Variants in YPEL3 observed in about 807,000 individuals in gnomAD.
The protein encoded by YPEL3 is protein yippee-like 3.
YPEL3 carries 5 observed loss-of-function variants against 17.5 expected under a neutral mutation model. The ratio of observed to expected loss-of-function variants is 0.29; its 90% CI spans 0.15 to 0.60. The LOEUF is 0.60. Ranked by LOEUF, YPEL3 falls within the 20% of genes least tolerant of loss-of-function variation. The probability of loss-of-function intolerance (pLI) is 0.87; values close to 1 mark genes in which losing one functional copy is unlikely to be tolerated. For synonymous variants in YPEL3, 87 were observed against 87.2 expected (o/e 1.00, Z 0.01); for missense variants, 155 against 211.4 (o/e 0.73, Z 1.65).
At chr16:30,094,686 T>C (rs1472076916) in intron 3 of YPEL3, 103 bp downstream of exon 3, 5 of 1,085,524 alleles carry the variant, frequency 4.6e-6, no homozygotes, top group African/African-American at 1.5e-5. Flanking sequence ...TTGTGTGAGC[T>C]CGGCCTATGC....
chr16:30,094,396 T>C (rs1274727323), intron 3 of YPEL3: 1 of 208,632 alleles, frequency 4.8e-6, no homozygotes, highest in African/African-American at 2.4e-5. Flanking sequence ...AGTTGGGTGA[T>C]CTTGGGCAAG....
Position 30,095,678 on chromosome 16 carries a change from C to G in YPEL3, c.-196G>C. Reference sequence around the variant, plus strand: ...GTCACCCGCCTGCTTCCGGCCTCACCCTTGCTGACCTGGCAGCTGAAGCTG... The same window carrying G: ...GTCACCCGCCTGCTTCCGGCCTCACGCTTGCTGACCTGGCAGCTGAAGCTG... On this transcript the variant is annotated 5_prime_UTR_variant, in exon 1 of 4. Coordinates refer to ENST00000398841, the MANE Select transcript of YPEL3 (RefSeq NM_031477.5). This position sits in a 1 kb window ranked among gnomAD's most constrained non-coding sequence, Gnocchi z 5.4. 1.9e-6 allele frequency: 1 copy of G among 529,288 alleles called. No individual in the cohort carries two copies. Among genetic ancestry groups the G allele is most frequent in the Non-Finnish European group, 3.3e-6 (1 of 301,992 alleles). The allele number at this position is 529,288 out of a possible 1,614,324, so 32.8% of individuals were successfully genotyped here. A position where few individuals can be genotyped will look rare whatever the true frequency, so the allele number is the denominator to read the frequency against.
In YPEL3 at chr16:30,094,851, C is replaced by A; in HGVS notation, c.322G>T (p.Gly108Cys). ...GPAEERVLLT[G>C]LHAVADIHCE... ...TGGATGTCGGCGACAGCATGGAGGC[C>A]GGTCAGCAGCACCCGCTCCTCGGCT... Residue 108 changes from glycine to cysteine, a missense_variant, in exon 3 of 4, where the codon GGC becomes TGC. By Grantham distance (159) the Gly-to-Cys change is radical (BLOSUM62 -3). Coordinates refer to ENST00000398841, the MANE Select transcript of YPEL3 (RefSeq NM_031477.5). 6.2e-7 allele frequency: 1 copy of A among 1,613,998 alleles called. No individual in the cohort carries two copies. Among genetic ancestry groups the A allele is most frequent in the Non-Finnish European group, 8.5e-7 (1 of 1,179,972 alleles).
intron 3 of YPEL3, 162 bp downstream of exon 3, chr16:30,094,627 C>T: frequency 1.4e-6 from 1 of 701,606 alleles, no homozygotes; most frequent in African/African-American, 1.8e-5. Flanking sequence ...AAAAGTTCTA[C>T]ACCCCTTGCA....
chr16:30,095,691 G>A lies in YPEL3; in HGVS notation c.-209C>T. On this transcript the variant is annotated 5_prime_UTR_variant, in exon 1 of 4. Coordinates refer to ENST00000398841, the MANE Select transcript of YPEL3 (RefSeq NM_031477.5). The surrounding 1 kb of genome is among the most constrained non-coding windows in gnomAD (Gnocchi z 5.4). Reference sequence around the variant, plus strand: ...TTCCGGCCTCACCCTTGCTGACCTGGCAGCTGAAGCTGGAGGAAGGGGCTT... The same window carrying A: ...TTCCGGCCTCACCCTTGCTGACCTGACAGCTGAAGCTGGAGGAAGGGGCTT... The A allele has an allele frequency of 1.9e-6, 1 of 519,028 alleles. No individual in the cohort carries two copies. The highest frequency in any genetic ancestry group is 5.0e-4 in the Middle Eastern group (1 of 1,996). 32.2% of individuals were successfully genotyped at this position (519,028 alleles called of 1,614,324 possible).
intron 3 of YPEL3, 28 bp from the exon 4 acceptor site, chr16:30,092,827 C>T (rs2072748327): frequency 6.2e-7 from 1 of 1,603,642 alleles, no homozygotes. Context: ...ACCGTCATCC[C>T]CGGAGCAACA....
At position 30,095,187 on chromosome 16, in the gene YPEL3, C is replaced by A; in HGVS notation, c.232-41G>T. The A allele has an allele frequency of 6.2e-7, 1 of 1,614,104 alleles. No individual in the cohort carries two copies. The highest frequency in any genetic ancestry group is 1.1e-5 in the South Asian group (1 of 91,084). ...GTGGGAAGAGAGGAGGGGGTCAGGG[C>A]TGCCGGTGGGGAGCTGCCAGGCAGC... On this transcript the variant is annotated intron_variant, in intron 1 of 3. Transcript: ENST00000398841. The surrounding 1 kb of genome is among the most constrained non-coding windows in gnomAD (Gnocchi z 5.4).
Position 30,095,244 on chromosome 16 carries a change from T to C in YPEL3, c.231+8A>G, listed in dbSNP as rs1265091895. On this transcript the variant is annotated splice_region_variant and intron_variant, in intron 1 of 3. Coordinates refer to ENST00000398841, the MANE Select transcript of YPEL3 (RefSeq NM_031477.5). The surrounding 1 kb of genome is among the most constrained non-coding windows in gnomAD (Gnocchi z 5.4). ...AGGTTCCAGCCCCACTGTGGCCTGG[T>C]TGGTTACCTTGGAGATGAGGTCGTC... is the stretch of plus-strand genomic sequence containing the variant. The C allele has an allele frequency of 6.2e-7, 1 of 1,614,100 alleles. No homozygotes were observed. The highest frequency in any genetic ancestry group is 1.1e-5 in the South Asian group (1 of 91,080).
Position 30,095,384 on chromosome 16 carries a change from C to T in YPEL3, c.99G>A (p.Leu33=). 1 of 1,613,304 alleles carries T rather than the reference C, an allele frequency of 6.2e-7. No individual in the cohort carries two copies. Among genetic ancestry groups the T allele is most frequent in the African/African-American group, 1.3e-5 (1 of 75,016 alleles). ...TCCGCACCATGGCGGGGGCCGGGGG[C>T]AGTGGCCCCACGCGGGGAGCGGCCC... The part of the protein sequence containing the change: ...SPWAAPRVGP[L]PPAPAMVRIS... Residue 33 remains leucine (L), a synonymous_variant, in exon 1 of 4, where the codon CTG becomes CTA. Coordinates refer to ENST00000398841, the MANE Select transcript of YPEL3 (RefSeq NM_031477.5). This position sits in a 1 kb window ranked among gnomAD's most constrained non-coding sequence, Gnocchi z 5.4.
Position 30,092,423 on chromosome 16 carries a change from C to T in YPEL3, c.*287G>A. On this transcript the variant is annotated 3_prime_UTR_variant, in exon 4 of 4. Coordinates refer to ENST00000398841, the MANE Select transcript of YPEL3 (RefSeq NM_031477.5). Reference sequence around the variant, plus strand: ...AGGAGTTCACAGAGCAGACGGTGCACTGGGACCAGGAGAGCAGAACACAGG... The same window carrying T: ...AGGAGTTCACAGAGCAGACGGTGCATTGGGACCAGGAGAGCAGAACACAGG... The T allele has an allele frequency of 2.5e-6, 1 of 406,578 alleles. No individual in the cohort carries two copies. Among genetic ancestry groups the T allele is most frequent in the South Asian group, 4.0e-5 (1 of 25,096 alleles). 25.2% of individuals were successfully genotyped at this position (406,578 alleles called of 1,614,324 possible). A position where few individuals can be genotyped will look rare whatever the true frequency, so the allele number is the denominator to read the frequency against.
intron 3 of YPEL3, 83 bp from the exon 4 acceptor site, chr16:30,092,882 C>G: frequency 8.3e-7 from 1 of 1,205,838 alleles, no homozygotes; most frequent in Non-Finnish European, 1.2e-6. Flanking sequence ...CATGAGTGGC[C>G]CCATTTTACA....
rs893303518 is a variant in YPEL3, at chr16:30,095,804, G to A, written c.-322C>T. ...TCCTTGCGACCTCATCTGGAGAGCA[G>A]TGGGGTTCACTGGTGGTTTAGGGGG... On this transcript the variant is annotated 5_prime_UTR_variant, in exon 1 of 4. Coordinates refer to ENST00000398841, the MANE Select transcript of YPEL3 (RefSeq NM_031477.5). This position sits in a 1 kb window ranked among gnomAD's most constrained non-coding sequence, Gnocchi z 5.4. 8.6e-6 allele frequency: 3 copies of A among 347,964 alleles called. No individual in the cohort carries two copies. The highest frequency in any genetic ancestry group is 7.6e-5 in the South Asian group (1 of 13,134). 21.6% of individuals were successfully genotyped at this position (347,964 alleles called of 1,614,324 possible).
chr16:30,094,432 G>A (rs1391970222), intron 3 of YPEL3: 2 of 240,834 alleles, frequency 8.3e-6, no homozygotes, highest in Non-Finnish European at 1.7e-5. Flanking sequence ...GGGCCTCCCT[G>A]TCTTCTTCTG....
chr16:30,092,744 A>G lies in YPEL3; in HGVS notation c.440T>C (p.Leu147Pro). 1 of 1,614,128 alleles carries G rather than the reference A, an allele frequency of 6.2e-7. No individual in the cohort carries two copies. Among genetic ancestry groups the G allele is most frequent in the Non-Finnish European group, 8.5e-7 (1 of 1,179,990 alleles). The change falls in exon 4 of 4, where the codon CTC becomes CCC. Residue 147 changes from leucine to proline, a missense_variant. By Grantham distance (98) the Leu-to-Pro change is moderately conservative. This residue lies in a region of YPEL3 where 23 missense variants were observed against 16.4 expected (regional missense o/e 1.40). Coordinates refer to ENST00000398841, the MANE Select transcript of YPEL3 (RefSeq NM_031477.5). ...GCCGTTGTCTTTGATCATGTGGTTG[A>G]GTTCAATGATGTACTTCCCCTCTTT... The part of the protein sequence containing the change: ...KYKEGKYIIE[L>P]NHMIKDNGWD
In YPEL3 at chr16:30,094,913, G is replaced by C; in HGVS notation, c.276-16C>G. On this transcript the variant is annotated splice_polypyrimidine_tract_variant and intron_variant, in intron 2 of 3. Coordinates refer to ENST00000398841, the MANE Select transcript of YPEL3 (RefSeq NM_031477.5). The stretch of plus-strand genomic sequence containing the variant: ...CACGTTCACCCTGTGGGGACATGGG[G>C]TAGTCCCAGGGAGGGTCCTGCCATC... 6.2e-7 allele frequency: 1 copy of C among 1,609,056 alleles called. No homozygotes were observed. Among genetic ancestry groups the C allele is most frequent in the South Asian group, 1.1e-5 (1 of 90,530 alleles).
In YPEL3 at chr16:30,095,690, G is replaced by A. The variant is rs991995118; in HGVS notation, c.-208C>T. On this transcript the variant is annotated 5_prime_UTR_variant, in exon 1 of 4. Transcript: ENST00000398841. The surrounding 1 kb of genome is among the most constrained non-coding windows in gnomAD (Gnocchi z 5.4). ...CTTCCGGCCTCACCCTTGCTGACCT[G>A]GCAGCTGAAGCTGGAGGAAGGGGCT... The A allele has an allele frequency of 1.3e-5, 7 of 519,508 alleles. No individual in the cohort carries two copies. Among genetic ancestry groups the A allele is most frequent in the African/African-American group, 1.3e-4 (7 of 52,868 alleles). 32.2% of individuals were successfully genotyped at this position (519,508 alleles called of 1,614,324 possible).
At position 30,092,813 on chromosome 16, in the gene YPEL3, C is replaced by A. The variant is rs763416331; in HGVS notation, c.385-14G>T. ...AAAGGCCTGTTCCTGAAAGGAGGGG[C>A]GGGACCGTCATCCCCGGAGCAACAG... On this transcript the variant is annotated splice_polypyrimidine_tract_variant and intron_variant, in intron 3 of 3. Coordinates refer to ENST00000398841, the MANE Select transcript of YPEL3 (RefSeq NM_031477.5). 30 of 1,612,104 alleles carry A rather than the reference C, an allele frequency of 1.9e-5. No individual in the cohort carries two copies. The highest frequency in any genetic ancestry group is 2.5e-5 in the Non-Finnish European group (30 of 1,178,346).
At position 30,096,146 on chromosome 16, in the gene YPEL3, G is replaced by A. The variant is rs1389533479; in HGVS notation, c.-664C>T. On this transcript the variant is annotated 5_prime_UTR_variant, in exon 1 of 4. Transcript: ENST00000398841. ...TCCGCCGGGGTGGGCTGGCCTGGGA[G>A]TGGGGGGCGCTCCTGGCGGGCGCCG... is the stretch of plus-strand genomic sequence containing the variant. 2 of 150,360 alleles carry A rather than the reference G, an allele frequency of 1.3e-5. No individual in the cohort carries two copies. The highest frequency in any genetic ancestry group is 4.9e-5 in the African/African-American group (2 of 41,218). 9.3% of individuals were successfully genotyped at this position (150,360 alleles called of 1,614,324 possible). A position where few individuals can be genotyped will look rare whatever the true frequency, so the allele number is the denominator to read the frequency against.
chr16:30,092,321 A>C lies in YPEL3; in HGVS notation c.*389T>G. 1 of 186,150 alleles carries C rather than the reference A, an allele frequency of 5.4e-6. No individual in the cohort carries two copies. 11.5% of individuals were successfully genotyped at this position (186,150 alleles called of 1,614,324 possible). ...TTACACGCGAGCCTGAGCTGTCTCC[A>C]CTCCATTGTTTTATTATGTACAAAC... On this transcript the variant is annotated 3_prime_UTR_variant, in exon 4 of 4. Transcript: ENST00000398841.
Sources: allele counts gnomAD v4.1 joint callset, GRCh38; gene constraint gnomAD v4.1.1; regional missense constraint gnomAD v4.1.1; non-coding constraint Gnocchi (gnomAD v3.1); transcripts MANE v1.5; gene names NCBI Gene and HGNC (gene_info 2026-07-23, HGNC 2026-07-21).